MGST1: variants seen among roughly 807,000 people sequenced by gnomAD.
MGST1 encodes the protein microsomal glutathione S-transferase 1, also known as glutathione S-transferase 12.
MGST1 carries 5 observed loss-of-function variants against 8.9 expected under a neutral mutation model. The ratio of observed to expected loss-of-function variants is 0.56; its 90% CI spans 0.29 to 1.19. The LOEUF (loss-of-function observed/expected upper bound fraction) is 1.19. Among genes scored for constraint, MGST1 ranks in the 50% most tolerant of loss-of-function variants. The pLI, the probability that MGST1 is intolerant of heterozygous loss-of-function variation, is 0.08. For synonymous variants in MGST1, 54 were observed against 67.8 expected (o/e 0.80, Z 1.00); for missense variants, 182 against 187.4 (o/e 0.97, Z 0.17).
intron 4 of MGST1, among the ~76,000 whole-genome samples, chr12:16,515,778 A>G (rs937903851): frequency 2.6e-5 from 4 of 152,162 alleles, no homozygotes; most frequent in African/African-American, 9.7e-5. Context: ...AAATTCCTCC[A>G]GTTGGGATGT....
chr12:16,539,596 G>C (rs1941780896), intron 4 of MGST1, among the ~76,000 whole-genome samples: 1 of 152,040 alleles, frequency 6.6e-6, no homozygotes, highest in African/African-American at 2.4e-5. Context: ...ACCCATATTT[G>C]TCAACTGTAT....
At chr12:16,367,483 C>A (rs759515517), downstream of MGST1, 3 of 152,228 alleles carry the variant, frequency 2.0e-5, no homozygotes, top group Non-Finnish European at 4.4e-5. Context: ...CATTCTCCTG[C>A]TTTGGTCAAG....
chr12:16,392,379 C>T (rs962266361), intron 1 of MGST1, among the ~76,000 whole-genome samples: 2 of 152,254 alleles, frequency 1.3e-5, no homozygotes, highest in Non-Finnish European at 2.9e-5. Flanking sequence ...CAGAAAGTTT[C>T]GTTTTATTAC....
chr12:16,557,251 G>A (rs1268463397), intron 4 of MGST1, among the ~76,000 whole-genome samples: 1 of 151,954 alleles, frequency 6.6e-6, no homozygotes, highest in African/African-American at 2.4e-5. Context: ...ATGGACAAAG[G>A]ACATAAACTG....
intron 1 of MGST1, among the ~76,000 whole-genome samples, chr12:16,384,891 G>A (rs1236169559): frequency 2.6e-5 from 4 of 152,256 alleles, no homozygotes; most frequent in Non-Finnish European, 4.4e-5. Flanking sequence ...TGGCTGCGAA[G>A]CAGTAGGCCT....
At chr12:16,580,835 A>G (rs1230099656) in intron 4 of MGST1, among the ~76,000 whole-genome samples, 1 of 152,186 alleles carries the variant, frequency 6.6e-6, no homozygotes, top group Non-Finnish European at 1.5e-5. Flanking sequence ...GTTGCTTTGC[A>G]ATAAAAGCTT....
intron 4 of MGST1, among the ~76,000 whole-genome samples, chr12:16,464,382 G>A (rs1054510583): frequency 6.6e-6 from 1 of 152,054 alleles, no homozygotes; most frequent in Non-Finnish European, 1.5e-5. Flanking sequence ...GAAAGGAATG[G>A]GTAGTTTTTT....
chr12:16,487,607 A>G (rs1055028630), intron 4 of MGST1, among the ~76,000 whole-genome samples: 5 of 152,184 alleles, frequency 3.3e-5, no homozygotes, highest in African/African-American at 1.2e-4. Flanking sequence ...AATACTAGGA[A>G]CACTACCAGA....
rs1009524916 is a variant in MGST1 at position 16,547,456 on chromosome 12, C to G, written n.483-42072C>G. Among the ~76,000 whole-genome samples the G allele has an allele frequency of 6.6e-6, 1 of 152,086 alleles. No individual in the cohort carries two copies. Among genetic ancestry groups the G allele is most frequent in the African/African-American group, 2.4e-5 (1 of 41,396 alleles). The stretch of plus-strand genomic sequence containing the variant: ...TTTTCTGGGGCTTTCATATCAATAA[C>G]ATGCTGGAGAGGTAGAAGATGCTAT... On this transcript the variant is annotated intron_variant and non_coding_transcript_variant, in intron 4 of 4. Transcript: ENST00000538857. This position sits in a 1 kb window ranked among gnomAD's most constrained non-coding sequence, Gnocchi z 4.6.
chr12:16,505,162 C>T (rs1434130226), intron 4 of MGST1, among the ~76,000 whole-genome samples: 1 of 152,180 alleles, frequency 6.6e-6, no homozygotes, highest in South Asian at 2.1e-4. Flanking sequence ...ATAACTCTCA[C>T]ATCTAAAACT....
In MGST1 at chr12:16,585,795, T is replaced by A. The variant is rs192150976; in HGVS notation, n.483-3733T>A. Among the ~76,000 whole-genome samples, 11 of 152,248 alleles carry A rather than the reference T, an allele frequency of 7.2e-5. No individual in the cohort carries two copies. The East Asian group carries it at 2.1e-3, about 29-fold the overall frequency. On this transcript the variant is annotated intron_variant and non_coding_transcript_variant, in intron 4 of 4. Coordinates refer to the MGST1 transcript ENST00000538857. The surrounding 1 kb of genome is among the most constrained non-coding windows in gnomAD (Gnocchi z 4.7). ...TAACATATATACTTCTAAACAATTG[T>A]TAGAAAGTAAATTTGATCTGGGCTT...
At chr12:16,543,110 G>A (rs553706716) in intron 4 of MGST1, among the ~76,000 whole-genome samples, 28 of 152,180 alleles carry the variant, frequency 1.8e-4, no homozygotes, top group Non-Finnish European at 2.8e-4. Context: ...CAAGTGCAGG[G>A]ACTCTTCATT....
chr12:16,420,841 A>G (rs1940829755), intron 1 of MGST1, among the ~76,000 whole-genome samples: 1 of 152,138 alleles, frequency 6.6e-6, no homozygotes, highest in African/African-American at 2.4e-5. Flanking sequence ...CTCAGCATCC[A>G]TTATAGTCCA....
At chr12:16,384,644 G>T (rs997624519) in intron 1 of MGST1, among the ~76,000 whole-genome samples, 8 of 152,208 alleles carry the variant, frequency 5.3e-5, no homozygotes, top group Non-Finnish European at 1.0e-4. Context: ...GTGGTAATTT[G>T]GTATGAATTG....
intron 1 of MGST1, among the ~76,000 whole-genome samples, chr12:16,404,512 C>T (rs1210465241): frequency 6.6e-6 from 1 of 151,652 alleles, no homozygotes; most frequent in Non-Finnish European, 1.5e-5. Flanking sequence ...TCTTTTTTCT[C>T]TATTAGTATA....
intron 1 of MGST1, among the ~76,000 whole-genome samples, chr12:16,407,505 CACT>C: frequency 6.6e-6 from 1 of 152,252 alleles, no homozygotes; most frequent in South Asian, 2.1e-4. Context: ...AGCAGTGAGG[CACT>C]TCCTCAAAGA....
intron 1 of MGST1, among the ~76,000 whole-genome samples, chr12:16,428,269 T>C (rs577260837): frequency 6.6e-6 from 1 of 152,068 alleles, no homozygotes; most frequent in South Asian, 2.1e-4. Flanking sequence ...TTTTCATTGA[T>C]GTTAATCTAC....
In MGST1 at chr12:16,394,544, T is replaced by C. The variant is rs1303484498; in HGVS notation, n.778+10940T>C. 0.023 allele frequency among the ~76,000 whole-genome samples: 1,482 copies of C among 65,584 alleles called. 114 individuals are homozygous for C. The East Asian group carries it at 0.45, about 20-fold the overall frequency. 43.0% of individuals were successfully genotyped at this position (65,584 alleles called of 152,430 possible). On this transcript the variant is annotated intron_variant and non_coding_transcript_variant, in intron 1 of 1. Coordinates refer to the MGST1 transcript ENST00000359720. ...TTTCTTTCTTTCTTTCTTTCTTTCT[T>C]TCTTTCTTTCTTTCTTTCTTTCTTT...
intron 4 of MGST1, chr12:16,573,659 A>AG (rs1942897922): frequency 6.6e-6 from 1 of 152,202 alleles, no homozygotes; most frequent in Admixed American, 6.5e-5. Context: ...GAAATCTCTG[A>AG]GGCTCCCTTC....
Sources: allele counts gnomAD v4.1 joint callset (sites outside exome capture counted in the v4.1 genomes callset), GRCh38; gene constraint gnomAD v4.1.1; non-coding constraint Gnocchi (gnomAD v3.1); transcripts MANE v1.5; gene names NCBI Gene and HGNC (gene_info 2026-07-23, HGNC 2026-07-21).